The following PDZD8 variants were observed in gnomAD, a reference collection of about 807,000 sequenced individuals.
The protein encoded by PDZD8 is PDZ domain containing 8, also known as PDZ domain-containing protein 8.
Under a neutral mutation model 85.8 loss-of-function variants are expected in PDZD8, and 14 were observed. The ratio of observed to expected loss-of-function variants is 0.16; its 90% CI spans 0.11 to 0.26. The LOEUF is 0.26. PDZD8 is among the 10% of genes least tolerant of loss of function. The pLI is 1.00. For missense variants in PDZD8, 1,197 were observed against 1,424.3 expected (o/e 0.84, Z 2.57); for synonymous variants, 592 against 568.6 (o/e 1.04, Z -0.59).
At chr10:117,314,729 C>A (rs1844094126) in intron 3 of PDZD8, among the ~76,000 whole-genome samples, 1 of 152,144 alleles carries the variant, frequency 6.6e-6, no homozygotes, top group Non-Finnish European at 1.5e-5. Context: ...TAAACAAGGG[C>A]AAAAGCTTCT....
rs1318932058 is a variant in PDZD8 at position 117,278,070 on chromosome 10, A to AC, written c.*5197dup. 6.6e-6 allele frequency: 1 copy of AC among 152,192 alleles called. No individual in the cohort carries two copies. The highest frequency in any genetic ancestry group is 6.5e-5 in the Admixed American group (1 of 15,282). 9.4% of individuals were successfully genotyped at this position (152,192 alleles called of 1,614,324 possible). A position where few individuals can be genotyped will look rare whatever the true frequency, so the allele number is the denominator to read the frequency against. On this transcript the variant is annotated 3_prime_UTR_variant, in exon 5 of 5. Coordinates refer to ENST00000334464, the MANE Select transcript of PDZD8 (RefSeq NM_173791.5). ...TTACTGGATGAAGAAAATTGAGGGT[A>AC]CATGTACCTTATACTGTCAAGGTTG...
intron 1 of PDZD8, among the ~76,000 whole-genome samples, chr10:117,364,184 GTGTGT>G (rs1326922973): frequency 4.4e-5 from 2 of 45,492 alleles, no homozygotes; most frequent in African/African-American, 1.9e-4. Context: ...ATTTATGGGT[GTGTGT>G]GTGTGTGTGT....
chr10:117,294,450 T>C (rs1452390038), intron 3 of PDZD8, among the ~76,000 whole-genome samples: 2 of 152,094 alleles, frequency 1.3e-5, no homozygotes, highest in African/African-American at 4.8e-5. Context: ...GTACAGTGGT[T>C]CCTCAAAAAT....
rs1589992055 is a variant in PDZD8 at position 117,283,659 on chromosome 10, C to T, written c.3074G>A (p.Arg1025Lys). 1 of 1,614,208 alleles carries T rather than the reference C, an allele frequency of 6.2e-7. No individual in the cohort carries two copies. The highest frequency in any genetic ancestry group is 8.5e-7 in the Non-Finnish European group (1 of 1,180,042). The change falls in exon 5 of 5, where the codon AGG (arginine) becomes AAG (lysine). Residue 1025 changes from arginine (R) to lysine (K), a missense_variant. Arg to Lys is a conservative substitution (Grantham distance 26). Around this residue, in one of 4 missense-constraint regions of PDZD8, gnomAD observed 418 missense variants for 571.1 expected, o/e 0.73. Coordinates refer to ENST00000334464, the MANE Select transcript of PDZD8 (RefSeq NM_173791.5). ...AVKEIGRDLY[R>K]GLPTEERIQK... ...GATCCTTTCCTCTGTAGGCAAGCCCCTGTACAGATCACGACCAATTTCTTT... is the reference window on the plus strand; with the variant it reads ...GATCCTTTCCTCTGTAGGCAAGCCCTTGTACAGATCACGACCAATTTCTTT...
chr10:117,350,518 C>T (rs972694107), intron 1 of PDZD8, among the ~76,000 whole-genome samples: 4 of 150,638 alleles, frequency 2.7e-5, no homozygotes, highest in African/African-American at 9.7e-5. Context: ...CCTGCTTCGG[C>T]CTCCCAAAGT....
In PDZD8 at chr10:117,278,811, CG is replaced by C. The variant is rs1844537727; in HGVS notation, c.*4456del. On this transcript the variant is annotated 3_prime_UTR_variant, in exon 5 of 5. Coordinates refer to ENST00000334464, the MANE Select transcript of PDZD8 (RefSeq NM_173791.5). ...CTAAGTGCAGTGTGTTTGAAGCAAA[CG>C]AACTTCCAACTCACTTATTTGGCAT... 6.6e-6 allele frequency: 1 copy of C among 152,178 alleles called. No individual in the cohort carries two copies. Among genetic ancestry groups the C allele is most frequent in the African/African-American group, 2.4e-5 (1 of 41,444 alleles). 9.4% of individuals were successfully genotyped at this position (152,178 alleles called of 1,614,324 possible).
intron 2 of PDZD8, among the ~76,000 whole-genome samples, chr10:117,327,532 GT>G (rs1255505732): frequency 1.3e-5 from 2 of 151,950 alleles, no homozygotes; most frequent in Non-Finnish European, 2.9e-5. Context: ...AACCAATCAG[GT>G]TTTTTTTCTA....
chr10:117,334,869 C>A (rs1399299182), intron 2 of PDZD8, among the ~76,000 whole-genome samples: 1 of 151,642 alleles, frequency 6.6e-6, no homozygotes, highest in Non-Finnish European at 1.5e-5. Flanking sequence ...AACAAATAAA[C>A]AAGCAAACAA....
chr10:117,335,856 A>T (rs907909242), intron 2 of PDZD8, among the ~76,000 whole-genome samples: 2 of 152,214 alleles, frequency 1.3e-5, no homozygotes, highest in Non-Finnish European at 1.5e-5. Context: ...AATTAAGATT[A>T]TTATAGGATT....
At chr10:117,333,035 C>T (rs1054120965) in intron 2 of PDZD8, among the ~76,000 whole-genome samples, 3 of 137,834 alleles carry the variant, frequency 2.2e-5, no homozygotes, top group Admixed American at 1.6e-4. Context: ...AGGAGAATCA[C>T]TTGAACTTGG....
chr10:117,342,445 G>A, intron 1 of PDZD8, among the ~76,000 whole-genome samples: 1 of 134,082 alleles, frequency 7.5e-6, no homozygotes, highest in Non-Finnish European at 1.7e-5. Flanking sequence ...AAAGTTCTTG[G>A]TTTCACATTT....
At chr10:117,297,646 T>A (rs1436426138) in intron 3 of PDZD8, among the ~76,000 whole-genome samples, 2 of 152,192 alleles carry the variant, frequency 1.3e-5, no homozygotes, top group East Asian at 3.8e-4. Context: ...GATAAGCCTA[T>A]AAGTTGAAAA....
chr10:117,315,587 C>CA (rs35866840), intron 3 of PDZD8, among the ~76,000 whole-genome samples: 6,570 of 41,720 alleles, frequency 0.16, 647 homozygotes, highest in Admixed American at 0.17. Context: ...TAGACTCTCT[C>CA]AAAAAAAAAA....
At chr10:117,344,778 A>G (rs1268743373) in intron 1 of PDZD8, among the ~76,000 whole-genome samples, 1 of 152,196 alleles carries the variant, frequency 6.6e-6, no homozygotes, top group Non-Finnish European at 1.5e-5. Flanking sequence ...AGAGGAGGAT[A>G]GGAACATTTC....
chr10:117,326,166 T>G (rs977033498), intron 2 of PDZD8, among the ~76,000 whole-genome samples: 1 of 152,200 alleles, frequency 6.6e-6, no homozygotes. Context: ...GGATATTTCT[T>G]TATAGCAGCA....
chr10:117,277,373 A>G lies in PDZD8; in HGVS notation c.*5895T>C. 1 of 602,326 alleles carries G rather than the reference A, an allele frequency of 1.7e-6. No homozygotes were observed. Among genetic ancestry groups the G allele is most frequent in the Non-Finnish European group, 2.8e-6 (1 of 359,418 alleles). The allele number at this position is 602,326 out of a possible 1,614,324, so 37.3% of individuals were successfully genotyped here. On this transcript the variant is annotated 3_prime_UTR_variant, in exon 5 of 5. Transcript: ENST00000334464. ...AGTCATACCATCCATCCCTGGTGAA[A>G]GAGTAAAACCAAAGGTTATTATTTC...
intron 2 of PDZD8, among the ~76,000 whole-genome samples, chr10:117,333,119 A>AAAAAAAAC (rs58191085): frequency 0.17 from 13,023 of 78,070 alleles, 3,113 homozygotes; most frequent in East Asian, 0.41. Flanking sequence ...CTCTGTCTCA[A>AAAAAAAAC]AAAAAAAAAA....
intron 2 of PDZD8, among the ~76,000 whole-genome samples, chr10:117,337,088 C>CAA (rs879870820): frequency 2.3e-5 from 3 of 132,728 alleles, no homozygotes; most frequent in African/African-American, 8.3e-5. Context: ...GACTCCATCT[C>CAA]AAAAAAAAAA....
rs1416182876 is a variant in PDZD8, at chr10:117,375,093, G to C, written c.135C>G (p.Phe45Leu). 1 of 1,598,226 alleles carries C rather than the reference G, an allele frequency of 6.3e-7. No individual in the cohort carries two copies. Among genetic ancestry groups the C allele is most frequent in the East Asian group, 2.2e-5 (1 of 44,482 alleles). ...GGCCCGGCACTGGCTTGATGTAGCGGAAGCCCTCGCCCGCGCGGGCGGCCT... is the reference window on the plus strand; with the variant it reads ...GGCCCGGCACTGGCTTGATGTAGCGCAAGCCCTCGCCCGCGCGGGCGGCCT... Reference protein sequence around the residue: ...ADEAARAGEGFRYIKPVPGLL... With the variant: ...ADEAARAGEGLRYIKPVPGLL... The change falls in exon 1 of 5, where the codon TTC becomes TTG. Residue 45 changes from phenylalanine to leucine, a missense_variant. Around this residue, in one of 4 missense-constraint regions of PDZD8, gnomAD observed 172 missense variants for 137.8 expected, o/e 1.25. Transcript: ENST00000334464.
Sources: allele counts gnomAD v4.1 joint callset (sites outside exome capture counted in the v4.1 genomes callset), GRCh38; gene constraint gnomAD v4.1.1; regional missense constraint gnomAD v4.1.1; transcripts MANE v1.5; gene names NCBI Gene and HGNC (gene_info 2026-07-23, HGNC 2026-07-21).